The following DENND6A variants were observed in gnomAD, a reference collection of about 807,000 sequenced individuals.
The protein encoded by DENND6A is protein DENND6A.
Under a neutral mutation model 95.5 loss-of-function variants are expected in DENND6A, and 43 were observed. The observed-to-expected ratio is 0.45, with a 90% confidence interval of 0.35 to 0.58. DENND6A has a LOEUF of 0.58. Among genes scored for constraint, DENND6A ranks in the 20% least tolerant of loss-of-function variants. The probability of loss-of-function intolerance (pLI) is 0.00; values close to 1 mark genes in which losing one functional copy is unlikely to be tolerated. For synonymous variants in DENND6A, 257 were observed against 260.4 expected (o/e 0.99, Z 0.13); for missense variants, 574 against 736.0 (o/e 0.78, Z 2.55).
At chr3:57,649,598 G>C (rs2071152328) in intron 9 of DENND6A, among the ~76,000 whole-genome samples, 1 of 149,460 alleles carries the variant, frequency 6.7e-6, no homozygotes, top group Non-Finnish European at 1.5e-5. Context: ...CAAAAATATG[G>C]AACAAGCCCA....
In DENND6A at chr3:57,666,179, C is replaced by A. The variant is rs778242957; in HGVS notation, c.376G>T (p.Val126Leu). 56 of 1,613,786 alleles carry A rather than the reference C, an allele frequency of 3.5e-5. No individual in the cohort carries two copies. Among genetic ancestry groups the A allele is most frequent in the Admixed American group, 1.3e-4 (8 of 59,990 alleles). The stretch of plus-strand genomic sequence containing the variant: ...TGATCCAGGAGACAATGCAGCGACA[C>A]CCTCCTCCCAGAAGACTGTCGAAAT... ...FRFRQSSGRR[V>L]SLHCLLDQFD... Residue 126 changes from valine to leucine, a missense_variant, in exon 4 of 20, where the codon GTG becomes TTG. By Grantham distance (32) the Val-to-Leu change is conservative (BLOSUM62 1). Transcript: ENST00000311128.
At chr3:57,672,495 A>T (rs1473367) in intron 1 of DENND6A, 57 bp from the exon 2 acceptor site, 43,774 of 1,547,088 alleles carry the variant, frequency 0.028, 734 homozygotes, top group Middle Eastern at 0.035. Flanking sequence ...TTATAAACAT[A>T]TTATAGGCCA....
chr3:57,639,857 T>C lies in DENND6A; in HGVS notation c.1132+1796A>G, dbSNP rs117978855. On this transcript the variant is annotated intron_variant, in intron 12 of 19. Transcript: ENST00000311128. ...GTAAACAGTACTATTTAAAATGTTA[T>C]CCTTGATTCTAATACTTCCATTTAG... Among the ~76,000 whole-genome samples, 5 of 150,778 alleles carry C rather than the reference T, an allele frequency of 3.3e-5. No homozygotes were observed. In the East Asian group the frequency reaches 9.6e-4, roughly 29 times the overall value.
chr3:57,629,811 T>C (rs531183551), intron 18 of DENND6A, among the ~76,000 whole-genome samples: 2 of 152,106 alleles, frequency 1.3e-5, no homozygotes, highest in African/African-American at 4.8e-5. Flanking sequence ...CGTGAGCCAC[T>C]GCACCCGGCC....
intron 4 of DENND6A, among the ~76,000 whole-genome samples, chr3:57,665,606 G>A (rs2071513814): frequency 6.6e-6 from 1 of 152,002 alleles, no homozygotes; most frequent in East Asian, 1.9e-4. Context: ...CTGTTATCAG[G>A]CAAATTATGT....
intron 1 of DENND6A, among the ~76,000 whole-genome samples, chr3:57,674,649 T>C (rs1559828064): frequency 6.6e-6 from 1 of 151,972 alleles, no homozygotes; most frequent in Non-Finnish European, 1.5e-5. Flanking sequence ...AAAAAATAAA[T>C]AAATAAGATA....
chr3:57,685,859 T>A (rs374925581), intron 1 of DENND6A, among the ~76,000 whole-genome samples: 1 of 152,144 alleles, frequency 6.6e-6, no homozygotes, highest in African/African-American at 2.4e-5. Flanking sequence ...TTTGAAAACA[T>A]CCTATAAATC....
chr3:57,640,758 C>T (rs964272300), intron 12 of DENND6A, among the ~76,000 whole-genome samples: 3 of 151,940 alleles, frequency 2.0e-5, no homozygotes, highest in Non-Finnish European at 4.4e-5. Context: ...ATTACTACGC[C>T]CAAACCATGA....
intron 14 of DENND6A, 99 bp downstream of exon 14, chr3:57,634,459 T>C (rs926656050): frequency 1.2e-5 from 6 of 509,952 alleles, no homozygotes; most frequent in African/African-American, 8.3e-5. Context: ...AAAGGAGAGA[T>C]CCTATTTCAC....
In DENND6A at chr3:57,630,652, CT is replaced by C. The variant is rs1307732783; in HGVS notation, c.1517+62del. 3.2e-6 allele frequency: 5 copies of C among 1,560,602 alleles called. No homozygotes were observed. In the East Asian group the frequency reaches 1.1e-4, roughly 35 times the overall value. On this transcript the variant is annotated intron_variant, in intron 17 of 19. Coordinates refer to ENST00000311128, the MANE Select transcript of DENND6A (RefSeq NM_152678.3). ...TTAAAAAGAATAAGCTTAAGTTTAG[CT>C]TTTTGTTTTGCTTTTAAATAAAGCA...
At chr3:57,638,077 T>C (rs1256647294) in intron 12 of DENND6A, among the ~76,000 whole-genome samples, 1 of 151,932 alleles carries the variant, frequency 6.6e-6, no homozygotes, top group East Asian at 1.9e-4. Context: ...AAGGTTGCAG[T>C]GAGCCAAGAT....
At chr3:57,680,903 C>T (rs1229783557) in intron 1 of DENND6A, among the ~76,000 whole-genome samples, 5 of 152,050 alleles carry the variant, frequency 3.3e-5, no homozygotes, top group African/African-American at 1.2e-4. Flanking sequence ...GAGACAATAA[C>T]AAGAGTTGAT....
At chr3:57,662,993 C>G (rs967268245) in intron 5 of DENND6A, among the ~76,000 whole-genome samples, 1 of 150,272 alleles carries the variant, frequency 6.7e-6, no homozygotes, top group African/African-American at 2.5e-5. Context: ...GTAGTGCACA[C>G]CTGTAATGCC....
intron 12 of DENND6A, 53 bp from the exon 13 acceptor site, chr3:57,634,822 A>C: frequency 7.2e-7 from 1 of 1,392,272 alleles, no homozygotes; most frequent in Non-Finnish European, 9.6e-7. Flanking sequence ...TACATATTAC[A>C]AAATTGGAAC....
intron 9 of DENND6A, among the ~76,000 whole-genome samples, chr3:57,657,390 T>C (rs919555974): frequency 1.3e-5 from 2 of 152,146 alleles, no homozygotes; most frequent in Admixed American, 6.5e-5. Context: ...CCAAATAAAA[T>C]GCATCTCTTT....
chr3:57,669,418 C>A (rs548694210), intron 3 of DENND6A, among the ~76,000 whole-genome samples: 2 of 152,018 alleles, frequency 1.3e-5, no homozygotes, highest in South Asian at 4.2e-4. Flanking sequence ...TAAATAATAT[C>A]TATGAGAAAA....
chr3:57,628,857 G>C lies in DENND6A; in HGVS notation c.1649C>G (p.Thr550Arg), dbSNP rs1225776041. 6.2e-7 allele frequency: 1 copy of C among 1,612,858 alleles called. No individual in the cohort carries two copies. The stretch of plus-strand genomic sequence containing the variant: ...GACAAGGTCTACTGTTTCTACTTCT[G>C]TGTGTTTCTGGATCCAGAGAAGTAA... ...EDLLLWIQKH[T>R]EVETVDLVLK... Residue 550 changes from threonine to arginine, a missense_variant, in exon 19 of 20, where the codon ACA becomes AGA. Around this residue, in one of 2 missense-constraint regions of DENND6A, gnomAD observed 452 missense variants for 630.9 expected, o/e 0.72. Coordinates refer to ENST00000311128, the MANE Select transcript of DENND6A (RefSeq NM_152678.3).
In DENND6A at chr3:57,689,984, G is replaced by A. The variant is rs965233707; in HGVS notation, c.237+2798C>T. On this transcript the variant is annotated intron_variant, in intron 1 of 19. Coordinates refer to ENST00000311128, the MANE Select transcript of DENND6A (RefSeq NM_152678.3). ...GAGGATCCCTCGAGTTTAGGAGTTC[G>A]AGGTTGTAGTGAGTTATGATCATGC... is the stretch of plus-strand genomic sequence containing the variant. 2.6e-5 allele frequency among the ~76,000 whole-genome samples: 4 copies of A among 151,436 alleles called. No individual in the cohort carries two copies. In the East Asian group the frequency reaches 7.8e-4, roughly 29 times the overall value.
intron 1 of DENND6A, among the ~76,000 whole-genome samples, chr3:57,682,157 C>A (rs368467995): frequency 7.9e-5 from 12 of 151,838 alleles, no homozygotes; most frequent in African/African-American, 2.7e-4. Context: ...CTTTTTCTAA[C>A]ATAAATTATA....
Sources: allele counts gnomAD v4.1 joint callset (sites outside exome capture counted in the v4.1 genomes callset), GRCh38; gene constraint gnomAD v4.1.1; regional missense constraint gnomAD v4.1.1; transcripts MANE v1.5; gene names NCBI Gene and HGNC (gene_info 2026-07-23, HGNC 2026-07-21).